The following PCDH7 variants were observed in gnomAD, a reference collection of about 807,000 sequenced individuals.
The protein encoded by PCDH7 is protocadherin 7.
PCDH7 carries 17 observed loss-of-function variants against 58.9 expected under a neutral mutation model. The observed-to-expected ratio is 0.29, with a 90% CI of 0.20 to 0.43. PCDH7 has a LOEUF of 0.43. PCDH7 is among the 20% of genes least tolerant of loss of function. The probability of loss-of-function intolerance (pLI) is 1.00; values close to 1 mark genes in which losing one functional copy is unlikely to be tolerated. For missense variants in PCDH7, 1,274 were observed against 1,441.0 expected, an observed-to-expected ratio of 0.88 and a Z score of 1.88; for synonymous variants, 664 against 616.4, an observed-to-expected ratio of 1.08 and a Z score of -1.14.
intron 3 of PCDH7, among the ~76,000 whole-genome samples, chr4:31,074,918 T>C (rs1758859713): frequency 6.6e-6 from 1 of 151,316 alleles, no homozygotes; most frequent in South Asian, 2.1e-4. Context: ...TAGGAGGAAA[T>C]GTTAGTGTCC....
intron 3 of PCDH7, among the ~76,000 whole-genome samples, chr4:31,095,358 G>A (rs973025131): frequency 6.6e-6 from 1 of 152,018 alleles, no homozygotes; most frequent in Non-Finnish European, 1.5e-5. Context: ...TAGCTCAATG[G>A]GGGTACCTGC....
chr4:31,072,779 T>C (rs905962163), intron 3 of PCDH7, among the ~76,000 whole-genome samples: 3 of 152,128 alleles, frequency 2.0e-5, no homozygotes, highest in Admixed American at 2.0e-4. Flanking sequence ...TTCATTGAGT[T>C]CATGGAGTTC....
chr4:30,852,016 A>G (rs1433760691), intron 1 of PCDH7, among the ~76,000 whole-genome samples: 2 of 152,254 alleles, frequency 1.3e-5, no homozygotes, highest in East Asian at 1.9e-4. Context: ...AATGGAAAGC[A>G]ATAGATAAAA....
intron 1 of PCDH7, among the ~76,000 whole-genome samples, chr4:30,819,376 A>T (rs1728076160): frequency 1.3e-5 from 2 of 152,162 alleles, no homozygotes; most frequent in Admixed American, 1.3e-4. Flanking sequence ...TAAATATGTT[A>T]CATGAAGGCT....
At chr4:30,765,623 G>A (rs1720642455) in intron 1 of PCDH7, among the ~76,000 whole-genome samples, 1 of 152,154 alleles carries the variant, frequency 6.6e-6, no homozygotes, top group South Asian at 2.1e-4. Context: ...TTTCAAAATG[G>A]TATTTTCTAG....
intron 3 of PCDH7, among the ~76,000 whole-genome samples, chr4:31,116,416 C>A (rs1265715519): frequency 6.6e-6 from 1 of 152,226 alleles, no homozygotes; most frequent in African/African-American, 2.4e-5. Context: ...AGCCTACCAA[C>A]ACATCAAAGC....
chr4:30,855,320 T>A (rs1733317807), intron 1 of PCDH7, among the ~76,000 whole-genome samples: 1 of 152,152 alleles, frequency 6.6e-6, no homozygotes, highest in African/African-American at 2.4e-5. Flanking sequence ...CTTCCTTTAT[T>A]GTGTTTGTTC....
chr4:31,046,445 T>C (rs1425729526), intron 3 of PCDH7, among the ~76,000 whole-genome samples: 1 of 152,014 alleles, frequency 6.6e-6, no homozygotes, highest in Admixed American at 6.6e-5. Flanking sequence ...ATCTCCCTAA[T>C]ATAATATACT....
At chr4:31,024,775 T>C (rs1216698694) in intron 3 of PCDH7, among the ~76,000 whole-genome samples, 2 of 152,190 alleles carry the variant, frequency 1.3e-5, no homozygotes, top group Non-Finnish European at 2.9e-5. Context: ...AGAGTCTCAC[T>C]CTGTTGCCTA....
chr4:30,779,144 C>A (rs1251665183), intron 1 of PCDH7, among the ~76,000 whole-genome samples: 2 of 151,686 alleles, frequency 1.3e-5, no homozygotes, highest in African/African-American at 4.8e-5. Flanking sequence ...CCTCAGCCTC[C>A]TGAGTAGCTG....
At chr4:30,875,397 G>T (rs1211003795) in intron 1 of PCDH7, among the ~76,000 whole-genome samples, 1 of 151,924 alleles carries the variant, frequency 6.6e-6, no homozygotes, top group Non-Finnish European at 1.5e-5. Flanking sequence ...AGGTAGTAGG[G>T]GTTAAGACTT....
chr4:30,938,812 A>C (rs150682652), intron 2 of PCDH7, among the ~76,000 whole-genome samples: 1 of 152,090 alleles, frequency 6.6e-6, no homozygotes, highest in Non-Finnish European at 1.5e-5. Flanking sequence ...CAACATGCCA[A>C]CCTGAAATTT....
chr4:30,757,587 A>G (rs1010069605), intron 1 of PCDH7, among the ~76,000 whole-genome samples: 1 of 151,990 alleles, frequency 6.6e-6, no homozygotes, highest in Non-Finnish European at 1.5e-5. Context: ...ATCCTTCTCC[A>G]TTTCTCAGAA....
chr4:31,019,083 C>T (rs981050321), intron 3 of PCDH7, among the ~76,000 whole-genome samples: 3 of 151,964 alleles, frequency 2.0e-5, no homozygotes, highest in Non-Finnish European at 4.4e-5. Context: ...ACTCAACATT[C>T]CATTTTGAGG....
chr4:30,992,583 A>G (rs1751543626), intron 3 of PCDH7, among the ~76,000 whole-genome samples: 3 of 152,120 alleles, frequency 2.0e-5, no homozygotes, highest in Non-Finnish European at 4.4e-5. Context: ...TAATTTCTTT[A>G]ATGTAGCCAT....
intron 1 of PCDH7, among the ~76,000 whole-genome samples, chr4:30,725,830 T>A (rs1406173757): frequency 6.6e-6 from 1 of 152,148 alleles, no homozygotes; most frequent in African/African-American, 2.4e-5. Flanking sequence ...TAGAAAGAGA[T>A]ATGAATTCTT....
intron 1 of PCDH7, among the ~76,000 whole-genome samples, chr4:30,872,310 T>TAC (rs1735721772): frequency 1.3e-5 from 2 of 152,124 alleles, no homozygotes; most frequent in South Asian, 4.1e-4. Context: ...TCCAGAGAGA[T>TAC]ACTTTTGGCT....
chr4:31,086,644 T>G (rs1337960127), intron 3 of PCDH7, among the ~76,000 whole-genome samples: 1 of 152,208 alleles, frequency 6.6e-6, no homozygotes, highest in Admixed American at 6.5e-5. Context: ...TTTATATGTT[T>G]ATGTTTCTGT....
At chr4:31,066,221 G>A (rs185486285) in intron 3 of PCDH7, among the ~76,000 whole-genome samples, 75 of 151,860 alleles carry the variant, frequency 4.9e-4, no homozygotes, top group African/African-American at 1.8e-3. Flanking sequence ...TAATTTAAGA[G>A]ATAATATATG....
Sources: gnomAD v4.1 joint callset for allele counts (sites outside exome capture counted in the v4.1 genomes callset) on GRCh38, gnomAD v4.1.1 for gene constraint, MANE v1.5 for transcripts, NCBI Gene and HGNC (gene_info 2026-07-23, HGNC 2026-07-21) for gene names.